The following METTL25 variants were observed in gnomAD, a reference collection of about 807,000 sequenced individuals.
METTL25 encodes methyltransferase like 25.
A neutral mutation model predicts 71.6 loss-of-function variants in METTL25; 64 were observed. The observed-to-expected ratio is 0.89, with a 90% confidence interval of 0.73 to 1.10. METTL25 has a LOEUF of 1.10. Among genes scored for constraint, METTL25 ranks in the 50% least tolerant of loss-of-function variants. METTL25 has a pLI of 0.00. For missense variants in METTL25, 807 were observed against 707.0 expected (o/e 1.14, Z -1.60); for synonymous variants, 287 against 250.3 (o/e 1.15, Z -1.38).
chr12:82,379,701 G>T (rs559774056), intron 1 of METTL25, among the ~76,000 whole-genome samples: 1 of 152,292 alleles, frequency 6.6e-6, no homozygotes, highest in South Asian at 2.1e-4. Context: ...GCACTTGAAA[G>T]TTGATCCTGG....
At position 82,476,697 on chromosome 12, in the gene METTL25, TGAGCTG is replaced by T; in HGVS notation, c.1629_1634del (p.Leu544_Glu545del). The T allele has an allele frequency of 6.3e-7, 1 of 1,598,364 alleles. No homozygotes were observed. The highest frequency in any genetic ancestry group is 1.1e-5 in the South Asian group (1 of 87,104). On this transcript the variant is annotated inframe_deletion, in exon 10 of 12. Coordinates refer to ENST00000248306, the MANE Select transcript of METTL25 (RefSeq NM_032230.3). ...ACGAGAAGTATAAGCCTCGAATGAATGAGCTGGAAGCTTTTAATATGGTAAATCTCA... is the reference window on the plus strand; with the variant it reads ...ACGAGAAGTATAAGCCTCGAATGAATGAAGCTTTTAATATGGTAAATCTCA...
chr12:82,378,285 A>G (rs776336126), intron 1 of METTL25, among the ~76,000 whole-genome samples: 1 of 152,208 alleles, frequency 6.6e-6, no homozygotes, highest in African/African-American at 2.4e-5. Context: ...TTTATTTTCT[A>G]TACAGCAATT....
intron 8 of METTL25, among the ~76,000 whole-genome samples, chr12:82,445,875 T>G (rs898403358): frequency 6.6e-6 from 1 of 152,198 alleles, no homozygotes; most frequent in Non-Finnish European, 1.5e-5. Context: ...GTACTATCTG[T>G]GAAATACAAA....
intron 3 of METTL25, 30 bp from the exon 4 acceptor site, chr12:82,398,765 C>A (rs752418359): frequency 1.4e-6 from 2 of 1,394,570 alleles, no homozygotes; most frequent in Admixed American, 2.7e-5. Flanking sequence ...GCCTAAAATT[C>A]TTTAATTTAT....
chr12:82,371,854 A>C (rs1883270180), intron 1 of METTL25, among the ~76,000 whole-genome samples: 2 of 152,062 alleles, frequency 1.3e-5, no homozygotes, highest in Admixed American at 1.3e-4. Flanking sequence ...ATCAATGAAT[A>C]ATTTATGGAC....
At chr12:82,368,363 C>T (rs1592585673) in intron 1 of METTL25, among the ~76,000 whole-genome samples, 1 of 152,140 alleles carries the variant, frequency 6.6e-6, no homozygotes, top group African/African-American at 2.4e-5. Context: ...TCAGATTTAA[C>T]ACACACATAC....
In METTL25 at chr12:82,438,716, A is replaced by G. The variant is rs745772181; in HGVS notation, c.1405-2A>G. On this transcript the variant is annotated splice_acceptor_variant, in intron 7 of 11. Transcript: ENST00000248306. LOFTEE classifies it high-confidence loss of function. The stretch of plus-strand genomic sequence containing the variant: ...GCTTATATATGTCTACATTTTTTTC[A>G]GCTGCCTACTGAATCACTCTTCTAT... The G allele has an allele frequency of 2.7e-6, 4 of 1,465,150 alleles. No homozygotes were observed. Among genetic ancestry groups the G allele is most frequent in the Non-Finnish European group, 2.7e-6 (3 of 1,102,128 alleles). 90.8% of individuals were successfully genotyped at this position (1,465,150 alleles called of 1,614,324 possible).
chr12:82,441,325 A>G lies in METTL25; in HGVS notation c.1478+2534A>G, dbSNP rs555809723. Reference sequence around the variant, plus strand: ...ATATATATAGTACCTTACAAAACCAATCCCAAATAACTAGCTATGTGATGA... The same window carrying G: ...ATATATATAGTACCTTACAAAACCAGTCCCAAATAACTAGCTATGTGATGA... On this transcript the variant is annotated intron_variant, in intron 8 of 11. Coordinates refer to ENST00000248306, the MANE Select transcript of METTL25 (RefSeq NM_032230.3). 7.9e-5 allele frequency among the ~76,000 whole-genome samples: 12 copies of G among 151,714 alleles called. No homozygotes were observed. In the East Asian group the frequency reaches 2.1e-3, roughly 27 times the overall value.
At chr12:82,390,658 T>C (rs905134674) in intron 3 of METTL25, among the ~76,000 whole-genome samples, 16 of 152,064 alleles carry the variant, frequency 1.1e-4, no homozygotes, top group African/African-American at 3.6e-4. Flanking sequence ...ATTAGAAAAC[T>C]ATGAAAGTTT....
At chr12:82,388,658 A>G (rs941682039) in intron 2 of METTL25, 17 of 152,164 alleles carry the variant, frequency 1.1e-4, no homozygotes, top group African/African-American at 1.4e-4. Flanking sequence ...CAGCAAAACC[A>G]CCATTCAAGG....
intron 1 of METTL25, among the ~76,000 whole-genome samples, chr12:82,360,271 T>C (rs370759115): frequency 2.6e-5 from 4 of 152,288 alleles, no homozygotes; most frequent in East Asian, 1.9e-4. Flanking sequence ...TTATTTGATA[T>C]TTACTATATA....
chr12:82,420,402 A>C (rs1236186278), intron 5 of METTL25, among the ~76,000 whole-genome samples: 1 of 152,140 alleles, frequency 6.6e-6, no homozygotes, highest in African/African-American at 2.4e-5. Context: ...GTAATGAATA[A>C]GTTTTTGGCA....
intron 5 of METTL25, among the ~76,000 whole-genome samples, chr12:82,422,624 C>T (rs1888618868): frequency 6.6e-6 from 1 of 152,138 alleles, no homozygotes; most frequent in Non-Finnish European, 1.5e-5. Flanking sequence ...TTGCAGATGA[C>T]ATGATTGTAT....
At chr12:82,445,544 G>A (rs1270885795) in intron 8 of METTL25, among the ~76,000 whole-genome samples, 1 of 152,170 alleles carries the variant, frequency 6.6e-6, no homozygotes, top group East Asian at 1.9e-4. Context: ...CCAGTGGACT[G>A]TGTATCAGTA....
At chr12:82,416,725 G>A (rs1050115571) in intron 5 of METTL25, among the ~76,000 whole-genome samples, 1 of 151,874 alleles carries the variant, frequency 6.6e-6, no homozygotes. Context: ...TGCCCACCTC[G>A]GCCTCCCAAA....
At chr12:82,406,270 G>GT (rs1181190754) in intron 5 of METTL25, among the ~76,000 whole-genome samples, 1 of 151,910 alleles carries the variant, frequency 6.6e-6, no homozygotes, top group Non-Finnish European at 1.5e-5. Flanking sequence ...TAAAAACATT[G>GT]TTTTTTTGTA....
chr12:82,360,014 A>G (rs1881614816), intron 1 of METTL25, among the ~76,000 whole-genome samples: 1 of 152,250 alleles, frequency 6.6e-6, no homozygotes, highest in Non-Finnish European at 1.5e-5. Context: ...TTAAACTCCA[A>G]AAGAGCAGAG....
chr12:82,391,140 A>G (rs1460998606), intron 3 of METTL25, among the ~76,000 whole-genome samples: 1 of 152,072 alleles, frequency 6.6e-6, no homozygotes, highest in African/African-American at 2.4e-5. Context: ...ATCCAGTTAC[A>G]GAGTAGGAGA....
chr12:82,388,162 C>CT (rs777071681), intron 2 of METTL25, among the ~76,000 whole-genome samples: 9 of 152,086 alleles, frequency 5.9e-5, no homozygotes, highest in Admixed American at 5.9e-4. Context: ...CAAGTGATTC[C>CT]TTTTTCACAT....
Sources: allele counts gnomAD v4.1 joint callset (sites outside exome capture counted in the v4.1 genomes callset), GRCh38; gene constraint gnomAD v4.1.1; transcripts MANE v1.5; gene names NCBI Gene and HGNC (gene_info 2026-07-23, HGNC 2026-07-21).